The following SND1 variants were observed in gnomAD, a reference collection of about 807,000 sequenced individuals.
SND1 encodes staphylococcal nuclease domain-containing protein 1.
Under a neutral mutation model 121.7 loss-of-function variants are expected in SND1, and 38 were observed. The observed-to-expected ratio is 0.31, with a 90% CI of 0.24 to 0.41. The LOEUF (loss-of-function observed/expected upper bound fraction) is 0.41, where lower values mean the gene tolerates loss of function less well. Among genes scored for constraint, SND1 ranks in the 10% least tolerant of loss-of-function variants. The pLI is 1.00. For missense variants in SND1, 868 were observed against 1,184.6 expected (o/e 0.73, Z 3.92); for synonymous variants, 401 against 447.4 (o/e 0.90, Z 1.31).
At chr7:127,878,718 A>T (rs1799735249) in intron 12 of SND1, among the ~76,000 whole-genome samples, 2 of 151,968 alleles carry the variant, frequency 1.3e-5, no homozygotes, top group African/African-American at 4.8e-5. Context: ...TTAAATTGTT[A>T]ATCAGTGTAA....
intron 1 of SND1, among the ~76,000 whole-genome samples, chr7:127,668,550 T>C (rs1003407782): frequency 6.6e-5 from 10 of 152,184 alleles, no homozygotes; most frequent in Non-Finnish European, 1.3e-4. Context: ...AAATAAGTAT[T>C]TTTTTGGAAT....
At chr7:127,743,248 G>A (rs563746033) in intron 10 of SND1, among the ~76,000 whole-genome samples, 146 of 152,322 alleles carry the variant, frequency 9.6e-4, no homozygotes, top group Non-Finnish European at 1.7e-3. Context: ...TGGTCATTAG[G>A]TACATGTTTG....
chr7:127,832,314 T>C (rs770787480), intron 11 of SND1, among the ~76,000 whole-genome samples: 5 of 152,212 alleles, frequency 3.3e-5, no homozygotes, highest in Non-Finnish European at 7.4e-5. Context: ...ACATATTAAA[T>C]GTTAGTAGAA....
At chr7:127,670,388 G>T (rs2116260998) in intron 1 of SND1, among the ~76,000 whole-genome samples, 1 of 152,278 alleles carries the variant, frequency 6.6e-6, no homozygotes, top group African/African-American at 2.4e-5. Flanking sequence ...GAGTAGCTGG[G>T]ATTACAGATG....
intron 16 of SND1, chr7:128,031,711 G>A (rs1019626024): frequency 3.1e-4 from 45 of 144,028 alleles, no homozygotes; most frequent in African/African-American, 1.1e-3. Flanking sequence ...CCCCTTCAGA[G>A]AGTCCGGGGG....
intron 18 of SND1, among the ~76,000 whole-genome samples, chr7:128,084,071 G>C (rs569446013): frequency 6.6e-6 from 1 of 152,224 alleles, no homozygotes; most frequent in Non-Finnish European, 1.5e-5. Context: ...CAGCAGCACT[G>C]GAAGTCCTGT....
At chr7:127,801,926 C>G (rs1584583726) in intron 10 of SND1, among the ~76,000 whole-genome samples, 1 of 152,206 alleles carries the variant, frequency 6.6e-6, no homozygotes, top group East Asian at 1.9e-4. Context: ...ACTGCAAGCT[C>G]CACCTCCAGA....
chr7:128,049,884 T>C (rs1016109037), intron 16 of SND1, among the ~76,000 whole-genome samples: 1 of 152,172 alleles, frequency 6.6e-6, no homozygotes, highest in African/African-American at 2.4e-5. Context: ...GATTCTGAGC[T>C]AATGTCTTAG....
At chr7:127,826,738 A>C (rs1798649552) in intron 11 of SND1, among the ~76,000 whole-genome samples, 1 of 152,232 alleles carries the variant, frequency 6.6e-6, no homozygotes. Flanking sequence ...CAACATAGCA[A>C]CAAATACTCC....
At chr7:127,861,527 T>C (rs1422114908) in intron 12 of SND1, among the ~76,000 whole-genome samples, 1 of 152,224 alleles carries the variant, frequency 6.6e-6, no homozygotes, top group Non-Finnish European at 1.5e-5. Flanking sequence ...TAGGCTGGAA[T>C]GCAGTGGCGC....
At chr7:127,761,535 C>A (rs887868949) in intron 10 of SND1, among the ~76,000 whole-genome samples, 3 of 152,230 alleles carry the variant, frequency 2.0e-5, no homozygotes, top group Non-Finnish European at 4.4e-5. Flanking sequence ...ACTTTAAACA[C>A]ATAATCGTAT....
At chr7:127,780,734 G>A (rs186858228) in intron 10 of SND1, among the ~76,000 whole-genome samples, 1 of 152,302 alleles carries the variant, frequency 6.6e-6, no homozygotes, top group African/African-American at 2.4e-5. Context: ...TGCCTTAACA[G>A]GCAAATTAGA....
At chr7:127,836,219 T>C (rs1473294237) in intron 11 of SND1, among the ~76,000 whole-genome samples, 1 of 152,184 alleles carries the variant, frequency 6.6e-6, no homozygotes, top group East Asian at 1.9e-4. Flanking sequence ...GAGACTCATT[T>C]TGTCAAAAAT....
intron 1 of SND1, among the ~76,000 whole-genome samples, chr7:127,674,860 T>A (rs1427336794): frequency 2.6e-5 from 4 of 152,238 alleles, no homozygotes; most frequent in South Asian, 2.1e-4. Flanking sequence ...AAAGTACTTT[T>A]AAAAATGATC....
intron 12 of SND1, among the ~76,000 whole-genome samples, chr7:127,851,977 C>T (rs1391018117): frequency 6.6e-6 from 1 of 151,666 alleles, no homozygotes; most frequent in Non-Finnish European, 1.5e-5. Flanking sequence ...GGCAACATGG[C>T]GAAACCCCTG....
intron 17 of SND1, among the ~76,000 whole-genome samples, chr7:128,076,128 G>C (rs1053449088): frequency 4.6e-5 from 7 of 152,168 alleles, no homozygotes; most frequent in Non-Finnish European, 8.8e-5. Flanking sequence ...TCAGAGCTGG[G>C]CGATCCTCTA....
chr7:128,059,894 C>T (rs971493952), intron 16 of SND1, among the ~76,000 whole-genome samples: 1 of 152,180 alleles, frequency 6.6e-6, no homozygotes, highest in Non-Finnish European at 1.5e-5. Context: ...TGCACATGCC[C>T]CAGCTGTGGG....
chr7:127,858,082 G>A, intron 12 of SND1: 1 of 1,019,770 alleles, frequency 9.8e-7, no homozygotes, highest in Non-Finnish European at 1.6e-6. Flanking sequence ...CTGGGTAGGG[G>A]TTGGGGTCTC....
chr7:127,817,548 A>G (rs1798466716), intron 11 of SND1, among the ~76,000 whole-genome samples: 2 of 152,176 alleles, frequency 1.3e-5, no homozygotes, highest in Admixed American at 6.5e-5. Flanking sequence ...AAATGATTAT[A>G]TAATAAAAAG....
Sources: gnomAD v4.1 joint callset for allele counts (sites outside exome capture counted in the v4.1 genomes callset) on GRCh38, gnomAD v4.1.1 for gene constraint, MANE v1.5 for transcripts, NCBI Gene and HGNC (gene_info 2026-07-23, HGNC 2026-07-21) for gene names.